NCKAP5: variants seen among roughly 807,000 people sequenced by gnomAD.
The protein encoded by NCKAP5 is nck-associated protein 5.
NCKAP5 carries 92 observed loss-of-function variants against 167.0 expected under a neutral mutation model. The ratio of observed to expected loss-of-function variants is 0.55; its 90% CI spans 0.47 to 0.66. NCKAP5 has a LOEUF of 0.66. NCKAP5 is among the 30% of genes least tolerant of loss of function. The pLI is 0.00. For synonymous variants in NCKAP5, 891 were observed against 877.4 expected (o/e 1.02, Z -0.27); for missense variants, 2,378 against 2,315.0 (o/e 1.03, Z -0.56).
At chr2:133,398,136 C>A (rs147641409) in intron 3 of NCKAP5, among the ~76,000 whole-genome samples, 2 of 152,054 alleles carry the variant, frequency 1.3e-5, no homozygotes, top group African/African-American at 4.8e-5. Context: ...AGATCAGAGA[C>A]CTGATCCTCA....
chr2:133,581,977 A>G, the NCKAP5 span, among the ~76,000 whole-genome samples: 2 of 152,334 alleles, frequency 1.3e-5, no homozygotes, highest in African/African-American at 4.8e-5. Context: ...TACTCAATGT[A>G]TTTACATTTT....
At chr2:133,027,306 G>C (rs2078731120) in intron 6 of NCKAP5, among the ~76,000 whole-genome samples, 1 of 152,104 alleles carries the variant, frequency 6.6e-6, no homozygotes, top group Non-Finnish European at 1.5e-5. Flanking sequence ...ACTTAGTGTA[G>C]CTCCTAATTT....
chr2:133,199,515 C>T (rs920031990), intron 5 of NCKAP5, among the ~76,000 whole-genome samples: 4 of 151,866 alleles, frequency 2.6e-5, no homozygotes, highest in Non-Finnish European at 2.9e-5. Context: ...CAAATTAATG[C>T]CTGAGATATA....
At chr2:133,495,124 C>G (rs975893779) in intron 3 of NCKAP5, among the ~76,000 whole-genome samples, 1 of 152,154 alleles carries the variant, frequency 6.6e-6, no homozygotes, top group Admixed American at 6.5e-5. Flanking sequence ...CTAAAAGCCT[C>G]CAGTTTGAGT....
Position 132,860,497 on chromosome 2 carries a change from G to A in NCKAP5, c.802C>T (p.Leu268Phe). 1 of 1,571,984 alleles carries A rather than the reference G, an allele frequency of 6.4e-7. No individual in the cohort carries two copies. Among genetic ancestry groups the A allele is most frequent in the South Asian group, 1.2e-5 (1 of 85,598 alleles). Reference sequence around the variant, plus strand: ...TTTTCCAGATAAACACATACCTGGAGGAGCAGATCAGAAGTGGGTCTGACT... The same window carrying A: ...TTTTCCAGATAAACACATACCTGGAAGAGCAGATCAGAAGTGGGTCTGACT... ...QRVRPTSDLL[L>F]QKLHSRLLDL... Residue 268 changes from leucine (L) to phenylalanine (F), a missense_variant, in exon 11 of 20, where the codon CTC becomes TTC. By Grantham distance (22) the Leu-to-Phe change is conservative. Transcript: ENST00000409261.
chr2:133,202,945 C>T (rs1015515739), intron 5 of NCKAP5, among the ~76,000 whole-genome samples: 5 of 152,086 alleles, frequency 3.3e-5, no homozygotes, highest in African/African-American at 1.2e-4. Context: ...GTTGGTGGGA[C>T]TGTAAACTAG....
At chr2:132,774,194 A>C (rs1415934145) in intron 15 of NCKAP5, among the ~76,000 whole-genome samples, 1 of 152,234 alleles carries the variant, frequency 6.6e-6, no homozygotes, top group Non-Finnish European at 1.5e-5. Context: ...ACAAAATTTT[A>C]GAGATAACAG....
chr2:133,496,860 A>G (rs1681996724), intron 3 of NCKAP5, among the ~76,000 whole-genome samples: 1 of 152,220 alleles, frequency 6.6e-6, no homozygotes, highest in East Asian at 1.9e-4. Context: ...AAAACTTCCC[A>G]AGTATATTTG....
At chr2:133,074,488 G>A (rs1472154356) in intron 6 of NCKAP5, among the ~76,000 whole-genome samples, 1 of 152,062 alleles carries the variant, frequency 6.6e-6, no homozygotes, top group Non-Finnish European at 1.5e-5. Flanking sequence ...AGCCTCCTGA[G>A]TAGCTGGGAC....
In NCKAP5 at chr2:132,784,642, T is replaced by A; in HGVS notation, c.2169A>T (p.Arg723Ser). 6.2e-7 allele frequency: 1 copy of A among 1,613,888 alleles called. No homozygotes were observed. The highest frequency in any genetic ancestry group is 8.5e-7 in the Non-Finnish European group (1 of 1,179,820). The stretch of plus-strand genomic sequence containing the variant: ...AGAAAGTATAGTCTCTTGCAGCAGC[T>A]CTTGGCTGTAAACAAGCAATTCCCT... ...LPQGIACLQP[R>S]AAARDYTFFK... is the part of the protein sequence containing the mutation. Residue 723 changes from arginine (R) to serine (S), a missense_variant, in exon 14 of 20, where the codon AGA becomes AGT. Transcript: ENST00000409261.
chr2:133,552,416 TA>T (rs1451543250), intron 2 of NCKAP5, among the ~76,000 whole-genome samples: 4 of 141,878 alleles, frequency 2.8e-5, no homozygotes, highest in African/African-American at 1.1e-4. Context: ...TATGCAGCCA[TA>T]AAAAATGATG....
chr2:133,331,476 G>T (rs1354072485), intron 3 of NCKAP5, among the ~76,000 whole-genome samples: 1 of 152,156 alleles, frequency 6.6e-6, no homozygotes, highest in Non-Finnish European at 1.5e-5. Context: ...GACATTTTCT[G>T]TTTCCTCCCA....
chr2:133,047,532 T>C (rs2079444112), intron 6 of NCKAP5, among the ~76,000 whole-genome samples: 1 of 152,200 alleles, frequency 6.6e-6, no homozygotes, highest in South Asian at 2.1e-4. Context: ...TTTGAAAATA[T>C]ATGCTATCAT....
At chr2:133,259,226 A>C (rs576036974) in intron 4 of NCKAP5, among the ~76,000 whole-genome samples, 2 of 152,114 alleles carry the variant, frequency 1.3e-5, no homozygotes, top group African/African-American at 4.8e-5. Context: ...TTTATCTTCC[A>C]ATCTCCCATT....
chr2:133,650,742 C>T, the NCKAP5 span, among the ~76,000 whole-genome samples: 6 of 151,886 alleles, frequency 4.0e-5, no homozygotes, highest in Admixed American at 1.3e-4. Flanking sequence ...AATAGCCACA[C>T]GTGGTGGTGG....
chr2:133,466,991 T>C (rs979699207), intron 3 of NCKAP5, among the ~76,000 whole-genome samples: 1 of 152,112 alleles, frequency 6.6e-6, no homozygotes, highest in Non-Finnish European at 1.5e-5. Flanking sequence ...CCTAATTGAA[T>C]ACCCTTTATT....
intron 6 of NCKAP5, 101 bp from the exon 7 acceptor site, chr2:132,994,340 T>A: frequency 1.3e-6 from 1 of 781,010 alleles, no homozygotes; most frequent in Admixed American, 2.9e-5. Context: ...TTTCCCAAGC[T>A]TCAACCTGGA....
chr2:132,875,152 A>G (rs1691168935), intron 9 of NCKAP5, among the ~76,000 whole-genome samples: 1 of 152,134 alleles, frequency 6.6e-6, no homozygotes, highest in South Asian at 2.1e-4. Context: ...GGTGCTTTAA[A>G]AAAACAGAAA....
chr2:133,086,807 A>G (rs771377166), intron 6 of NCKAP5, among the ~76,000 whole-genome samples: 15 of 152,190 alleles, frequency 9.9e-5, no homozygotes, highest in Admixed American at 2.6e-4. Flanking sequence ...GAGGAAAGAG[A>G]AAACCGGATT....
Sources: gnomAD v4.1 joint callset for allele counts (sites outside exome capture counted in the v4.1 genomes callset) on GRCh38, gnomAD v4.1.1 for gene constraint, MANE v1.5 for transcripts, NCBI Gene and HGNC (gene_info 2026-07-23, HGNC 2026-07-21) for gene names.